CADM1: variants seen among roughly 807,000 people sequenced by gnomAD.
CADM1 encodes the protein TSLC-1.
In CADM1, 15 loss-of-function variants were observed where a neutral mutation model predicts 53.1. The ratio of observed to expected loss-of-function variants is 0.28; its 90% CI spans 0.19 to 0.44. The LOEUF is 0.44. Ranked by LOEUF, CADM1 falls within the 20% of genes least tolerant of loss-of-function variation. The pLI, the probability that CADM1 is intolerant of heterozygous loss-of-function variation, is 1.00. For missense variants in CADM1, 434 were observed against 611.3 expected, an observed-to-expected ratio of 0.71 and a Z score of 3.06; for synonymous variants, 281 against 243.0, an observed-to-expected ratio of 1.16 and a Z score of -1.45.
chr11:115,239,168 A>G (rs1359264576), intron 2 of CADM1, among the ~76,000 whole-genome samples: 1 of 152,184 alleles, frequency 6.6e-6, no homozygotes, highest in Admixed American at 6.5e-5. Flanking sequence ...CAAATTATGA[A>G]ACAGAACTAA....
chr11:115,183,787 T>C (rs1939420476), intron 10 of CADM1, among the ~76,000 whole-genome samples: 1 of 152,256 alleles, frequency 6.6e-6, no homozygotes, highest in Non-Finnish European at 1.5e-5. Flanking sequence ...TCATAGGTCA[T>C]AAACTACCTC....
At chr11:115,432,874 T>A (rs1340576882) in intron 1 of CADM1, among the ~76,000 whole-genome samples, 1 of 152,224 alleles carries the variant, frequency 6.6e-6, no homozygotes, top group Non-Finnish European at 1.5e-5. Flanking sequence ...ACTTAACTTT[T>A]ATGCACTTCT....
intron 1 of CADM1, among the ~76,000 whole-genome samples, chr11:115,355,600 T>G (rs1250155082): frequency 6.6e-6 from 1 of 151,988 alleles, no homozygotes; most frequent in Non-Finnish European, 1.5e-5. Flanking sequence ...CGTGCATATG[T>G]ACCTCTGACC....
chr11:115,462,826 A>G (rs1948824665), intron 1 of CADM1, among the ~76,000 whole-genome samples: 1 of 152,184 alleles, frequency 6.6e-6, no homozygotes, highest in African/African-American at 2.4e-5. Flanking sequence ...CTATATGGCT[A>G]GCACCTAGAC....
chr11:115,218,159 AATTGACTAAT>A, intron 5 of CADM1, 168 bp from the exon 6 acceptor site: 2 of 650,224 alleles, frequency 3.1e-6, no homozygotes, highest in East Asian at 5.7e-5. Flanking sequence ...GCTCAAATTA[AATTGACTAAT>A]AACTCTAAGG....
chr11:115,345,387 C>A (rs1422314433), intron 1 of CADM1, among the ~76,000 whole-genome samples: 3 of 152,144 alleles, frequency 2.0e-5, no homozygotes, highest in Non-Finnish European at 4.4e-5. Flanking sequence ...CAGTGCTCAG[C>A]AAGGGACAGG....
chr11:115,489,333 T>A (rs376216441), intron 1 of CADM1, among the ~76,000 whole-genome samples: 2 of 152,100 alleles, frequency 1.3e-5, no homozygotes, highest in African/African-American at 4.8e-5. Context: ...ATTATAGCCC[T>A]AAAAAAGCTG....
At position 115,327,765 on chromosome 11, in the gene CADM1, A is replaced by G. The variant is rs187126582; in HGVS notation, c.125-87345T>C. 2.0e-5 allele frequency among the ~76,000 whole-genome samples: 3 copies of G among 152,316 alleles called. No homozygotes were observed. The East Asian group carries it at 5.8e-4, about 29-fold the overall frequency. ...TCCTCATTTGTAAAGTGAAGATTGT[A>G]TTAGTACCTACTTCACAGATTACTG... On this transcript the variant is annotated intron_variant, in intron 1 of 11. Coordinates refer to ENST00000331581, the MANE Select transcript of CADM1 (RefSeq NM_001301043.2).
rs1941722521 is a variant in CADM1, at chr11:115,229,103, G to C, written c.721+10C>G. ...TCTACGCCCTCAGAATAAGATACCA[G>C]GGTACTCACACTGTACTTCTAGATA... On this transcript the variant is annotated intron_variant, in intron 5 of 11. Transcript: ENST00000331581. 1.2e-6 allele frequency: 2 copies of C among 1,613,614 alleles called. No homozygotes were observed. Among genetic ancestry groups the C allele is most frequent in the Non-Finnish European group, 1.7e-6 (2 of 1,179,898 alleles).
chr11:115,204,935 T>C (rs1051598869), intron 8 of CADM1, among the ~76,000 whole-genome samples: 2 of 152,222 alleles, frequency 1.3e-5, no homozygotes, highest in African/African-American at 4.8e-5. Context: ...GCTATTTTCT[T>C]TTCCTAGGAA....
intron 1 of CADM1, among the ~76,000 whole-genome samples, chr11:115,463,862 T>G (rs2513543): frequency 1.9e-3 from 215 of 114,620 alleles, no homozygotes; most frequent in South Asian, 9.9e-3. Context: ...TTTTTTTTTT[T>G]GGGCCGGGGG....
rs1939168846 is a variant in CADM1 at position 115,178,790 on chromosome 11, A to G, written c.1166-15T>C. The G allele has an allele frequency of 3.1e-6, 5 of 1,613,820 alleles. No individual in the cohort carries two copies. The highest frequency in any genetic ancestry group is 3.4e-6 in the Non-Finnish European group (4 of 1,179,940). The stretch of plus-strand genomic sequence containing the variant: ...TGCTCGGGAATCTGTTAAAATCAGA[A>G]GAGGAATAGGGATGTAGAGCTTATT... On this transcript the variant is annotated splice_polypyrimidine_tract_variant and intron_variant, in intron 10 of 11. Coordinates refer to ENST00000331581, the MANE Select transcript of CADM1 (RefSeq NM_001301043.2).
At chr11:115,490,694 G>A (rs749200327) in intron 1 of CADM1, among the ~76,000 whole-genome samples, 22 of 152,110 alleles carry the variant, frequency 1.4e-4, no homozygotes, top group African/African-American at 3.9e-4. Context: ...CACCATGCCC[G>A]GCCAGAACAG....
chr11:115,482,148 C>T (rs1483314525), intron 1 of CADM1, among the ~76,000 whole-genome samples: 1 of 152,092 alleles, frequency 6.6e-6, no homozygotes, highest in South Asian at 2.1e-4. Flanking sequence ...CCTCTAATAC[C>T]GTCTCTATCT....
At chr11:115,425,125 G>T (rs7107670) in intron 1 of CADM1, among the ~76,000 whole-genome samples, 2,035 of 152,220 alleles carry the variant, frequency 0.013, 44 homozygotes, top group African/African-American at 0.046. Flanking sequence ...TAGATGAAAC[G>T]ATAAATGGCT....
chr11:115,284,324 G>A (rs893258091), intron 1 of CADM1, among the ~76,000 whole-genome samples: 4 of 151,874 alleles, frequency 2.6e-5, no homozygotes, highest in Non-Finnish European at 4.4e-5. Flanking sequence ...TACTACTGTC[G>A]ATGTTGTCTG....
chr11:115,174,593 G>C lies in CADM1; in HGVS notation c.*1881C>G. 3 of 984,482 alleles carry C rather than the reference G, an allele frequency of 3.0e-6. No individual in the cohort carries two copies. The highest frequency in any genetic ancestry group is 3.6e-6 in the Non-Finnish European group (3 of 828,886). The allele number at this position is 984,482 out of a possible 1,614,324, so 61.0% of individuals were successfully genotyped here. On this transcript the variant is annotated 3_prime_UTR_variant, in exon 12 of 12. Transcript: ENST00000331581. Reference sequence around the variant, plus strand: ...TGGTTCTATCAAAGGTTAAAATAAAGACAAGAAAAATAAACATGTTTTCAA... The same window carrying C: ...TGGTTCTATCAAAGGTTAAAATAAACACAAGAAAAATAAACATGTTTTCAA...
chr11:115,490,392 A>ATTTTTTTTTTTTTTTTTTTTTTT, intron 1 of CADM1, among the ~76,000 whole-genome samples: 1 of 109,330 alleles, frequency 9.1e-6, no homozygotes, highest in Non-Finnish European at 1.8e-5. Context: ...GGAAGAACAG[A>ATTTTTTTTTTTTTTTTTTTTTTT]TTTTTTTTTT....
At chr11:115,241,806 A>C (rs1942242072) in intron 1 of CADM1, among the ~76,000 whole-genome samples, 1 of 152,124 alleles carries the variant, frequency 6.6e-6, no homozygotes, top group Non-Finnish European at 1.5e-5. Context: ...TTTTACACCA[A>C]CTCGGGGCAG....
Sources: allele counts gnomAD v4.1 joint callset (sites outside exome capture counted in the v4.1 genomes callset), GRCh38; gene constraint gnomAD v4.1.1; transcripts MANE v1.5; gene names NCBI Gene and HGNC (gene_info 2026-07-23, HGNC 2026-07-21).